PCNX2: variants seen among roughly 807,000 people sequenced by gnomAD.
PCNX2 encodes pecanex-like protein 2.
Under a neutral mutation model 223.8 loss-of-function variants are expected in PCNX2, and 168 were observed. The ratio of observed to expected loss-of-function variants is 0.75; its 90% CI spans 0.66 to 0.85. The LOEUF is 0.85. Among genes scored for constraint, PCNX2 ranks in the 40% least tolerant of loss-of-function variants. The probability of loss-of-function intolerance (pLI) is 0.00; values close to 1 mark genes in which losing one functional copy is unlikely to be tolerated. For missense variants in PCNX2, 2,507 were observed against 2,675.5 expected (o/e 0.94, Z 1.39); for synonymous variants, 1,006 against 1,052.6 (o/e 0.96, Z 0.86).
intron 25 of PCNX2, among the ~76,000 whole-genome samples, chr1:233,042,851 G>T (rs1389456225): frequency 6.6e-6 from 1 of 152,164 alleles, no homozygotes; most frequent in Non-Finnish European, 1.5e-5. Context: ...GTTATTTCAT[G>T]TTTAATGAAC....
intron 25 of PCNX2, among the ~76,000 whole-genome samples, chr1:233,038,303 C>A (rs1671527753): frequency 6.6e-6 from 1 of 152,108 alleles, no homozygotes; most frequent in Non-Finnish European, 1.5e-5. Flanking sequence ...CCTACTACTG[C>A]CCCGTTTAAA....
chr1:233,288,131 A>G (rs1302184921), intron 1 of PCNX2, among the ~76,000 whole-genome samples: 2 of 152,248 alleles, frequency 1.3e-5, no homozygotes, highest in Non-Finnish European at 2.9e-5. Flanking sequence ...TAGCAATAAG[A>G]TATTTAATGT....
chr1:233,089,970 G>A, intron 23 of PCNX2, 91 bp downstream of exon 23: 1 of 1,572,518 alleles, frequency 6.4e-7, no homozygotes, highest in South Asian at 1.2e-5. Context: ...GGGAAGCCTG[G>A]AGCCAGGGAC....
chr1:232,994,758 G>C (rs969632057), intron 32 of PCNX2, among the ~76,000 whole-genome samples: 1 of 152,148 alleles, frequency 6.6e-6, no homozygotes, highest in Non-Finnish European at 1.5e-5. Flanking sequence ...TTGTGATAGT[G>C]AGTGAGTTCT....
At chr1:233,166,180 A>AAAAT (rs1253505310) in intron 17 of PCNX2, among the ~76,000 whole-genome samples, 31 of 151,882 alleles carry the variant, frequency 2.0e-4, no homozygotes, top group East Asian at 5.8e-4. Flanking sequence ...GCCAACTATA[A>AAAAT]AAATAAATAA....
intron 32 of PCNX2, among the ~76,000 whole-genome samples, chr1:232,988,378 C>G (rs1669568783): frequency 6.6e-6 from 1 of 151,896 alleles, no homozygotes; most frequent in African/African-American, 2.4e-5. Flanking sequence ...GACAAGGACT[C>G]CCCCGCCACC....
the PCNX2 span, among the ~76,000 whole-genome samples, chr1:233,310,623 G>T: frequency 1.3e-5 from 2 of 152,142 alleles, no homozygotes; most frequent in Admixed American, 6.5e-5. Context: ...CTGCTGGCTG[G>T]GTGCTCATGA....
chr1:233,208,769 TATATC>T (rs1681637063), intron 12 of PCNX2, 80 bp from the exon 13 acceptor site: 3 of 1,129,542 alleles, frequency 2.7e-6, no homozygotes, highest in Non-Finnish European at 3.5e-6. Flanking sequence ...TAATTTACAC[TATATC>T]ATATAACTTA....
intron 21 of PCNX2, among the ~76,000 whole-genome samples, chr1:233,099,357 T>C (rs983640954): frequency 6.6e-6 from 1 of 152,246 alleles, no homozygotes; most frequent in Non-Finnish European, 1.5e-5. Context: ...AGAAAAATTA[T>C]GGCTGCAGCC....
chr1:233,046,720 G>C lies in PCNX2; in HGVS notation c.4351+7548C>G, dbSNP rs1671835453. On this transcript the variant is annotated intron_variant, in intron 25 of 33. Transcript: ENST00000258229. ...GGCAGTCTAGTCTCACATAATCTCT[G>C]CCTCTATCTTGGGGATGGCTACATC... Among the ~76,000 whole-genome samples the C allele has an allele frequency of 1.3e-5, 2 of 152,190 alleles. 1 individual carries two copies. The highest frequency in any genetic ancestry group is 4.1e-4 in the South Asian group (2 of 4,830).
chr1:233,104,805 A>G (rs1445341396), intron 21 of PCNX2, among the ~76,000 whole-genome samples: 3 of 146,996 alleles, frequency 2.0e-5, no homozygotes, highest in African/African-American at 7.5e-5. Flanking sequence ...AATATCATGC[A>G]CAGTTTTACA....
At chr1:233,007,308 C>T (rs772656924) in intron 28 of PCNX2, among the ~76,000 whole-genome samples, 52 of 151,896 alleles carry the variant, frequency 3.4e-4, no homozygotes, top group Non-Finnish European at 5.9e-5. Context: ...ATTCCATAGG[C>T]TCCTCTCATT....
chr1:233,199,114 C>T (rs1424112731), intron 14 of PCNX2, 84 bp from the exon 15 acceptor site: 9 of 1,254,808 alleles, frequency 7.2e-6, no homozygotes, highest in African/African-American at 4.5e-5. Flanking sequence ...GATGGTTGCA[C>T]ATTCGCATAC....
At chr1:233,024,249 G>C (rs1671006737) in intron 26 of PCNX2, among the ~76,000 whole-genome samples, 1 of 152,188 alleles carries the variant, frequency 6.6e-6, no homozygotes, top group African/African-American at 2.4e-5. Flanking sequence ...TTGTTTGTTA[G>C]CTGGTTAAAA....
At chr1:233,299,610 G>A (rs1306662851), upstream of PCNX2, among the ~76,000 whole-genome samples, 1 of 152,202 alleles carries the variant, frequency 6.6e-6, no homozygotes, top group Non-Finnish European at 1.5e-5. Context: ...CCATGGCAGG[G>A]CAGTCTGGAA....
In PCNX2 at chr1:233,067,588, C is replaced by T. The variant is rs938280197; in HGVS notation, c.4077-10298G>A. On this transcript the variant is annotated intron_variant, in intron 23 of 33. Transcript: ENST00000258229. Reference sequence around the variant, plus strand: ...TCCAGGGTTCAAGTGATTCTCCCACCTCAACCTCCCAAGTAAGTGGGACTA... The same window carrying T: ...TCCAGGGTTCAAGTGATTCTCCCACTTCAACCTCCCAAGTAAGTGGGACTA... Among the ~76,000 whole-genome samples the T allele has an allele frequency of 1.3e-4, 19 of 151,894 alleles. 1 individual carries two copies. The highest frequency in any genetic ancestry group is 1.2e-3 in the Admixed American group (19 of 15,226).
chr1:233,269,730 CAT>C (rs1226303669), intron 1 of PCNX2, among the ~76,000 whole-genome samples: 1 of 152,150 alleles, frequency 6.6e-6, no homozygotes, highest in Non-Finnish European at 1.5e-5. Context: ...ATCTGCCAAA[CAT>C]AACACTCACA....
rs1316317912 is a variant in PCNX2, at chr1:233,103,436, T to C, written c.3838-7573A>G. On this transcript the variant is annotated intron_variant, in intron 21 of 33. Transcript: ENST00000258229. Reference sequence around the variant, plus strand: ...CCACCTCCTCCCAATGTGCCCTTAATACCCCCAACCCAGCCTCTGGTAACC... The same window carrying C: ...CCACCTCCTCCCAATGTGCCCTTAACACCCCCAACCCAGCCTCTGGTAACC... Among the ~76,000 whole-genome samples, 3 of 152,186 alleles carry C rather than the reference T, an allele frequency of 2.0e-5. No individual in the cohort carries two copies. The East Asian group carries it at 5.8e-4, about 29-fold the overall frequency.
intron 13 of PCNX2, among the ~76,000 whole-genome samples, chr1:233,200,561 G>A (rs1237178812): frequency 6.6e-6 from 1 of 151,964 alleles, no homozygotes; most frequent in African/African-American, 2.4e-5. Context: ...AGCTGATCCT[G>A]AGAAAGAAGT....
Sources: allele counts gnomAD v4.1 joint callset (sites outside exome capture counted in the v4.1 genomes callset), GRCh38; gene constraint gnomAD v4.1.1; transcripts MANE v1.5; gene names NCBI Gene and HGNC (gene_info 2026-07-23, HGNC 2026-07-21).